Variants in TMC2 observed in about 807,000 individuals in gnomAD.
TMC2 encodes the protein transmembrane channel-like protein 2.
A neutral mutation model predicts 105.9 loss-of-function variants in TMC2; 102 were observed. That is an observed-to-expected ratio of 0.96 (90% CI 0.82 to 1.14). The LOEUF is 1.14. TMC2 is among the 50% of genes most tolerant of loss of function. The pLI, the probability that TMC2 is intolerant of heterozygous loss-of-function variation, is 0.00. For missense variants in TMC2, 1,093 were observed against 1,134.3 expected (o/e 0.96, Z 0.52); for synonymous variants, 402 against 422.8 (o/e 0.95, Z 0.60).
At chr20:2,596,046 G>A (rs2086303855) in intron 9 of TMC2, among the ~76,000 whole-genome samples, 1 of 152,120 alleles carries the variant, frequency 6.6e-6, no homozygotes, top group East Asian at 1.9e-4. Context: ...GATAAGTATA[G>A]AAATATGCAA....
chr20:2,611,829 A>AATGGATGGATGG lies in TMC2; in HGVS notation c.1594-333_1594-322dup, dbSNP rs556611452. ...GGATGGCTGAATGCTTAGATGGATG[A>AATGGATGGATGG]ATGGATGGATGGATGGATGGATGGA... On this transcript the variant is annotated intron_variant, in intron 12 of 19. Coordinates refer to ENST00000358864, the MANE Select transcript of TMC2 (RefSeq NM_080751.3). Among the ~76,000 whole-genome samples, 204 of 111,454 alleles carry AATGGATGGATGG rather than the reference A, an allele frequency of 1.8e-3. 2 individuals carry two copies. The highest frequency in any genetic ancestry group is 8.0e-3 in the South Asian group (25 of 3,116). The allele number at this position is 111,454 out of a possible 152,430, so 73.1% of individuals were successfully genotyped here.
rs929513225 is a variant in TMC2, at chr20:2,595,035, T to A, written c.1076+68T>A. On this transcript the variant is annotated intron_variant, in intron 9 of 19. Transcript: ENST00000358864. ...ACAGCTCACTCCCCTGGCCACTCTA[T>A]GCCTACCTCCCTTCTGGTGGGGCAT... The A allele has an allele frequency of 2.0e-6, 3 of 1,534,034 alleles. No individual in the cohort carries two copies. In the Admixed American group the frequency reaches 5.6e-5, roughly 29 times the overall value.
intron 2 of TMC2, among the ~76,000 whole-genome samples, chr20:2,555,528 T>C (rs1194514045): frequency 6.6e-6 from 1 of 152,240 alleles, no homozygotes; most frequent in Non-Finnish European, 1.5e-5. Flanking sequence ...AGTCTGTTTA[T>C]ATTTAAAGTG....
At chr20:2,637,302 C>T (rs1297735843) in intron 18 of TMC2, among the ~76,000 whole-genome samples, 172 bp from the exon 19 acceptor site, 4 of 150,486 alleles carry the variant, frequency 2.7e-5, no homozygotes, top group East Asian at 3.9e-4. Flanking sequence ...GCAGGAGAAT[C>T]GCTTGAACCC....
chr20:2,625,174 A>T (rs1263940206), intron 17 of TMC2, among the ~76,000 whole-genome samples: 1 of 152,200 alleles, frequency 6.6e-6, no homozygotes, highest in African/African-American at 2.4e-5. Flanking sequence ...TAAAAATGTT[A>T]GCATTTTTTC....
chr20:2,625,520 A>G (rs777020382), intron 17 of TMC2, among the ~76,000 whole-genome samples: 1 of 152,230 alleles, frequency 6.6e-6, no homozygotes, highest in Admixed American at 6.5e-5. Flanking sequence ...AATGACTCAC[A>G]TTACATGCTT....
In TMC2 at chr20:2,624,280, C is replaced by T; in HGVS notation, c.2190C>T (p.Asn730=). 1 of 1,613,918 alleles carries T rather than the reference C, an allele frequency of 6.2e-7. No homozygotes were observed. Among genetic ancestry groups the T allele is most frequent in the Non-Finnish European group, 8.5e-7 (1 of 1,179,864 alleles). The change falls in exon 17 of 20, where the codon AAC becomes AAT. Residue 730 remains asparagine (N), a synonymous_variant. Coordinates refer to ENST00000358864, the MANE Select transcript of TMC2 (RefSeq NM_080751.3). ...CCTCTCCTTTTTCCAGTGGGAAAAA[C>T]AGAATGTACGATGTCCTCCAAGAGA... ...SFDCGPFSGK[N]RMYDVLQETI...
intron 3 of TMC2, among the ~76,000 whole-genome samples, chr20:2,560,244 A>G (rs1479701682): frequency 1.4e-5 from 2 of 147,110 alleles, no homozygotes; most frequent in Non-Finnish European, 3.0e-5. Flanking sequence ...GATATCATCA[A>G]TTGGGTGTGC....
chr20:2,633,541 A>G (rs753198927), intron 17 of TMC2, among the ~76,000 whole-genome samples: 34 of 152,220 alleles, frequency 2.2e-4, no homozygotes, highest in Non-Finnish European at 3.7e-4. Context: ...GCTTTTGCCA[A>G]TCTCAGAGAA....
chr20:2,616,601 T>G lies in TMC2; in HGVS notation c.1940+397T>G, dbSNP rs1216864565. Among the ~76,000 whole-genome samples the G allele has an allele frequency of 2.0e-5, 3 of 151,482 alleles. No homozygotes were observed. The highest frequency in any genetic ancestry group is 7.3e-5 in the African/African-American group (3 of 41,254). On this transcript the variant is annotated intron_variant, in intron 15 of 19. Transcript: ENST00000358864. This position sits in a 1 kb window ranked among gnomAD's most constrained non-coding sequence, Gnocchi z 4.8. ...GAGGGAGAAAAGAAGGAAGAGAAGG[T>G]GGAAGGTAAATGAACTATGGAACTC...
chr20:2,537,206 G>T, intron 1 of TMC2, 63 bp from the exon 2 acceptor site: 1 of 1,466,510 alleles, frequency 6.8e-7, no homozygotes, highest in South Asian at 1.2e-5. Flanking sequence ...CAGTGACCGG[G>T]GGTCTGCAGG....
chr20:2,565,782 A>G (rs2086060013), intron 4 of TMC2, among the ~76,000 whole-genome samples: 1 of 152,064 alleles, frequency 6.6e-6, no homozygotes, highest in Non-Finnish European at 1.5e-5. Context: ...GCTCACACCT[A>G]TAATCCCAGC....
intron 17 of TMC2, among the ~76,000 whole-genome samples, chr20:2,634,106 A>G (rs964365310): frequency 6.6e-5 from 10 of 152,132 alleles, no homozygotes; most frequent in Non-Finnish European, 1.3e-4. Flanking sequence ...AAATTCCCAA[A>G]AAGTATTTCA....
chr20:2,551,597 T>G (rs889653349), intron 2 of TMC2, among the ~76,000 whole-genome samples: 1 of 152,206 alleles, frequency 6.6e-6, no homozygotes, highest in African/African-American at 2.4e-5. Context: ...TGCAGTTTTC[T>G]CCTTTGTTAT....
rs780687984 is a variant in TMC2, at chr20:2,538,455, C to CG, written c.82+1144dup. Among the ~76,000 whole-genome samples the CG allele has an allele frequency of 2.6e-5, 4 of 152,266 alleles. No homozygotes were observed. In the East Asian group the frequency reaches 5.8e-4, roughly 22 times the overall value. On this transcript the variant is annotated intron_variant, in intron 2 of 19. Coordinates refer to ENST00000358864, the MANE Select transcript of TMC2 (RefSeq NM_080751.3). Reference sequence around the variant, plus strand: ...GTGGCCAGACGAGAAACCTTCCTCCCGGGGGTCGGGCCACGGTGCTCCCGT... The same window carrying CG: ...GTGGCCAGACGAGAAACCTTCCTCCCGGGGGGTCGGGCCACGGTGCTCCCGT...
At chr20:2,562,169 G>A (rs768328226) in intron 4 of TMC2, among the ~76,000 whole-genome samples, 159 bp downstream of exon 4, 6 of 152,266 alleles carry the variant, frequency 3.9e-5, no homozygotes, top group Admixed American at 2.0e-4. Context: ...CAAGGCGGCC[G>A]TGCTGTTCGC....
chr20:2,621,101 G>T (rs569239242), intron 16 of TMC2, among the ~76,000 whole-genome samples: 2 of 152,242 alleles, frequency 1.3e-5, no homozygotes, highest in South Asian at 4.2e-4. Flanking sequence ...AGTGGCTCAC[G>T]CCTGTAATCC....
Position 2,558,379 on chromosome 20 carries a change from G to T in TMC2, c.83-77G>T. On this transcript the variant is annotated intron_variant, in intron 2 of 19. Coordinates refer to ENST00000358864, the MANE Select transcript of TMC2 (RefSeq NM_080751.3). This position sits in a 1 kb window ranked among gnomAD's most constrained non-coding sequence, Gnocchi z 4.6. ...GCTCTCGGAATCATCTTGGACGTCT[G>T]ATTTCTCACGGCCGGGGACATTTTC... 1 of 1,536,746 alleles carries T rather than the reference G, an allele frequency of 6.5e-7. No homozygotes were observed. The highest frequency in any genetic ancestry group is 8.8e-7 in the Non-Finnish European group (1 of 1,140,560).
chr20:2,632,624 C>T (rs943322514), intron 17 of TMC2, among the ~76,000 whole-genome samples: 10 of 152,036 alleles, frequency 6.6e-5, no homozygotes, highest in Non-Finnish European at 1.3e-4. Context: ...GAGTCTCACT[C>T]TGTTGCCCAG....
Sources: gnomAD v4.1 joint callset for allele counts (sites outside exome capture counted in the v4.1 genomes callset) on GRCh38, gnomAD v4.1.1 for gene constraint, Gnocchi (gnomAD v3.1) non-coding constraint, MANE v1.5 for transcripts, NCBI Gene and HGNC (gene_info 2026-07-23, HGNC 2026-07-21) for gene names.